PSAP: variants seen among roughly 807,000 people sequenced by gnomAD.
PSAP encodes prosaposin, also known as precursor of saposins.
In PSAP, 25 loss-of-function variants were observed where a neutral mutation model predicts 66.0. The observed-to-expected ratio is 0.38, with a 90% confidence interval of 0.28 to 0.53. PSAP has a LOEUF of 0.53. PSAP is among the 20% of genes least tolerant of loss of function. The pLI is 0.83. For missense variants in PSAP, 649 were observed against 668.8 expected, an observed-to-expected ratio of 0.97 and a Z score of 0.33; for synonymous variants, 273 against 258.9, an observed-to-expected ratio of 1.05 and a Z score of -0.52.
At chr10:71,841,955 G>A (rs923450630) in intron 1 of PSAP, among the ~76,000 whole-genome samples, 4 of 151,142 alleles carry the variant, frequency 2.6e-5, no homozygotes, top group African/African-American at 4.9e-5. Flanking sequence ...GCAGTGAGCC[G>A]AGATCAAGCC....
intron 7 of PSAP, chr10:71,823,749 T>A: frequency 1.8e-6 from 1 of 565,420 alleles, no homozygotes; most frequent in Non-Finnish European, 2.8e-6. Context: ...CCCCAGCCTA[T>A]TAACAGAGAG....
In PSAP at chr10:71,821,979, C is replaced by T. The variant is rs1369238230; in HGVS notation, c.806G>A (p.Gly269Glu). ...MQPKEICALV[G>E]FCDEVKEMPM... ...CATCTCTTTCACCTCATCACAGAACCCAACCAGCGCACAGATCTCCTTGGG... is the reference window on the plus strand; with the variant it reads ...CATCTCTTTCACCTCATCACAGAACTCAACCAGCGCACAGATCTCCTTGGG... The change falls in exon 8 of 14, where the codon GGG becomes GAG. Residue 269 changes from glycine (G) to glutamate (E), a missense_variant. Transcript: ENST00000394936. The T allele has an allele frequency of 6.2e-7, 1 of 1,614,046 alleles. No individual in the cohort carries two copies. Among genetic ancestry groups the T allele is most frequent in the Non-Finnish European group, 8.5e-7 (1 of 1,180,042 alleles).
At chr10:71,851,036 AG>A in intron 1 of PSAP, 145 bp downstream of exon 1, 1 of 948,778 alleles carries the variant, frequency 1.1e-6, no homozygotes, top group South Asian at 1.4e-5. Context: ...AGCCAGAGAA[AG>A]CCAGCGAACG....
At chr10:71,839,811 G>A (rs1054145284) in intron 1 of PSAP, among the ~76,000 whole-genome samples, 9 of 152,048 alleles carry the variant, frequency 5.9e-5, no homozygotes, top group East Asian at 1.9e-4. Context: ...CCGAGATCAC[G>A]CCACTGCACT....
intron 7 of PSAP, chr10:71,824,037 A>G: frequency 1.7e-6 from 1 of 578,716 alleles, no homozygotes; most frequent in East Asian, 6.8e-5. Context: ...ATGCTCTTGC[A>G]ATCAGATCTT....
At chr10:71,831,511 G>A (rs1047717587) in intron 3 of PSAP, among the ~76,000 whole-genome samples, 1 of 152,166 alleles carries the variant, frequency 6.6e-6, no homozygotes, top group East Asian at 1.9e-4. Flanking sequence ...GGCCAAAATG[G>A]ACCTAGGTAT....
rs377115581 is a variant in PSAP at position 71,841,190 on chromosome 10, G to A, written c.41-6685C>T. ...CACTGCAGATCCAGCATGCTGCACCGCAGTTGGCACAGGCACCCACACAAA... is the reference window on the plus strand; with the variant it reads ...CACTGCAGATCCAGCATGCTGCACCACAGTTGGCACAGGCACCCACACAAA... On this transcript the variant is annotated intron_variant, in intron 1 of 13. Coordinates refer to ENST00000394936, the MANE Select transcript of PSAP (RefSeq NM_002778.4). Among the ~76,000 whole-genome samples, 8 of 152,310 alleles carry A rather than the reference G, an allele frequency of 5.3e-5. No homozygotes were observed. In the South Asian group the frequency reaches 1.0e-3, roughly 20 times the overall value.
At chr10:71,845,646 A>G (rs1404266107) in intron 1 of PSAP, among the ~76,000 whole-genome samples, 1 of 152,104 alleles carries the variant, frequency 6.6e-6, no homozygotes, top group Non-Finnish European at 1.5e-5. Flanking sequence ...TCCCACGTCC[A>G]TCTATTATCT....
chr10:71,836,445 G>C (rs1842630280), intron 1 of PSAP, among the ~76,000 whole-genome samples: 1 of 152,110 alleles, frequency 6.6e-6, no homozygotes, highest in Non-Finnish European at 1.5e-5. Flanking sequence ...CCCCAGACCT[G>C]ATGACTCCCA....
In PSAP at chr10:71,821,810, G is replaced by A. The variant is rs1439355357; in HGVS notation, c.909+66C>T. 6.2e-6 allele frequency: 10 copies of A among 1,605,666 alleles called. No individual in the cohort carries two copies. In the South Asian group the frequency reaches 9.9e-5, roughly 16 times the overall value. ...AAACAAGTGACTCGTAAGATGTGAT[G>A]TGACACAGCAGGGAGTAGTGTGGCA... On this transcript the variant is annotated intron_variant, in intron 8 of 13. Transcript: ENST00000394936.
rs56279127 is a variant in PSAP at position 71,826,743 on chromosome 10, G to GAA, written c.721-852_721-851dup. Among the ~76,000 whole-genome samples the GAA allele has an allele frequency of 3.5e-3, 506 of 144,490 alleles. 1 individual carries two copies. The highest frequency in any genetic ancestry group is 5.0e-3 in the Non-Finnish European group (333 of 66,254). 94.8% of individuals were successfully genotyped at this position (144,490 alleles called of 152,430 possible). On this transcript the variant is annotated intron_variant, in intron 6 of 13. Coordinates refer to ENST00000394936, the MANE Select transcript of PSAP (RefSeq NM_002778.4). ...GTGACAGAGCTAAACCCTGTCTCAA[G>GAA]AAAAAAAAAAAAATGGAGAAGGCCT...
At chr10:71,825,981 G>C (rs1192038834) in intron 6 of PSAP, 88 bp from the exon 7 acceptor site, 2 of 1,079,190 alleles carry the variant, frequency 1.9e-6, no homozygotes, top group Admixed American at 1.8e-5. Context: ...ATTTCCAACA[G>C]TGTCAACTGG....
In PSAP at chr10:71,816,590, A is replaced by G; in HGVS notation, c.*851T>C. 1 of 421,320 alleles carries G rather than the reference A, an allele frequency of 2.4e-6. No homozygotes were observed. Among genetic ancestry groups the G allele is most frequent in the Non-Finnish European group, 5.1e-6 (1 of 197,614 alleles). 26.1% of individuals were successfully genotyped at this position (421,320 alleles called of 1,614,324 possible). Reference sequence around the variant, plus strand: ...TTTGAAAAGGTCAAAAGGAGCATCTATGAGACAAGGGAGGGGTGCAGGCTG... The same window carrying G: ...TTTGAAAAGGTCAAAAGGAGCATCTGTGAGACAAGGGAGGGGTGCAGGCTG... On this transcript the variant is annotated 3_prime_UTR_variant, in exon 14 of 14. Transcript: ENST00000394936.
intron 1 of PSAP, among the ~76,000 whole-genome samples, chr10:71,834,770 C>T (rs1842589556): frequency 6.6e-6 from 1 of 152,224 alleles, no homozygotes; most frequent in Non-Finnish European, 1.5e-5. Context: ...CAGGGAGTAT[C>T]AGAACTTTAA....
rs1438433169 is a variant in PSAP, at chr10:71,833,031, A to C, written c.175-1111T>G. On this transcript the variant is annotated intron_variant, in intron 2 of 13. Coordinates refer to ENST00000394936, the MANE Select transcript of PSAP (RefSeq NM_002778.4). ...GAGTCCATCTCAAAAAAAAAAAAAA[A>C]CAAAAAACAAAAACAGAAGGCCGGG... Among the ~76,000 whole-genome samples the C allele has an allele frequency of 1.5e-5, 2 of 135,134 alleles. 1 individual carries two copies. Among genetic ancestry groups the C allele is most frequent in the Non-Finnish European group, 3.1e-5 (2 of 65,412 alleles). 88.7% of individuals were successfully genotyped at this position (135,134 alleles called of 152,430 possible). A position where few individuals can be genotyped will look rare whatever the true frequency, so the allele number is the denominator to read the frequency against.
At chr10:71,846,876 T>C (rs1056463707) in intron 1 of PSAP, among the ~76,000 whole-genome samples, 4 of 152,148 alleles carry the variant, frequency 2.6e-5, no homozygotes, top group Non-Finnish European at 4.4e-5. Flanking sequence ...TACAGCCTGG[T>C]AGCCAGTAAC....
intron 1 of PSAP, among the ~76,000 whole-genome samples, chr10:71,836,586 A>T (rs1319336276): frequency 6.6e-6 from 1 of 152,174 alleles, no homozygotes; most frequent in Non-Finnish European, 1.5e-5. Flanking sequence ...AGGCAGAGGA[A>T]GGCAGAGTGA....
intron 5 of PSAP, 108 bp downstream of exon 5, chr10:71,828,769 C>G (rs1296606986): frequency 4.4e-5 from 54 of 1,235,902 alleles, no homozygotes; most frequent in Non-Finnish European, 5.6e-5. Context: ...GAGTCACGCA[C>G]AGGGATAAGC....
chr10:71,819,583 A>G lies in PSAP; in HGVS notation c.1232T>C (p.Val411Ala). The change falls in exon 11 of 14, where the codon GTG becomes GCG. Residue 411 changes from valine to alanine, a missense_variant. Physicochemically the swap from Val to Ala is moderately conservative, Grantham distance 64. Coordinates refer to ENST00000394936, the MANE Select transcript of PSAP (RefSeq NM_002778.4). The part of the protein sequence containing the change: ...TQPKDGGFCE[V>A]CKKLVGYLDR... ...CAAATAACCCACCAGCTTCTTGCAC[A>G]CTTCGCAGAAGCCACCGTCCTTTGG... is the stretch of plus-strand genomic sequence containing the variant. The G allele has an allele frequency of 1.2e-6, 2 of 1,614,192 alleles. No individual in the cohort carries two copies. The highest frequency in any genetic ancestry group is 1.1e-5 in the South Asian group (1 of 91,088).
Sources: allele counts gnomAD v4.1 joint callset (sites outside exome capture counted in the v4.1 genomes callset), GRCh38; gene constraint gnomAD v4.1.1; transcripts MANE v1.5; gene names NCBI Gene and HGNC (gene_info 2026-07-23, HGNC 2026-07-21).